The following ZNF26 variants were observed in gnomAD, a reference collection of about 807,000 sequenced individuals.
ZNF26 encodes the protein zinc finger protein 26.
In ZNF26, 32 loss-of-function variants were observed where a neutral mutation model predicts 54.9. The observed-to-expected ratio is 0.58, with a 90% CI of 0.44 to 0.78. The LOEUF (loss-of-function observed/expected upper bound fraction) is 0.78. ZNF26 is among the 30% of genes least tolerant of loss of function. The pLI is 0.00. For missense variants in ZNF26, 524 were observed against 634.0 expected (o/e 0.83, Z 1.86); for synonymous variants, 221 against 209.2 (o/e 1.06, Z -0.49).
rs975982477 is a variant in ZNF26 at position 133,016,024 on chromosome 12, A to T, written c.*4543A>T. 4.0e-5 allele frequency: 6 copies of T among 149,814 alleles called. No homozygotes were observed. The highest frequency in any genetic ancestry group is 1.5e-4 in the African/African-American group (6 of 40,636). 9.3% of individuals were successfully genotyped at this position (149,814 alleles called of 1,614,324 possible). A position where few individuals can be genotyped will look rare whatever the true frequency, so the allele number is the denominator to read the frequency against. On this transcript the variant is annotated 3_prime_UTR_variant, in exon 4 of 4. Transcript: ENST00000328654. ...GAAGGAAGTGGCTTTTGGTTTTGTG[A>T]GTGTCTTGAAGATCTAAGGTTTATT...
intron 3 of ZNF26, among the ~76,000 whole-genome samples, chr12:133,009,589 C>CT (rs1426040202): frequency 7.1e-6 from 1 of 140,778 alleles, no homozygotes; most frequent in Non-Finnish European, 1.6e-5. Context: ...AAGACCCTGT[C>CT]TCAAAAAAAA....
rs1309364435 is a variant in ZNF26, at chr12:133,021,109, TTC to T, written c.*9630_*9631del. ...CAACCTATGCTCATACATTTTTTTTTTCTTTTTCATTTTTTTTTTTTTTTTTT... is the reference window on the plus strand; with the variant it reads ...CAACCTATGCTCATACATTTTTTTTTTTTTTCATTTTTTTTTTTTTTTTTT... On this transcript the variant is annotated 3_prime_UTR_variant, in exon 4 of 4. Coordinates refer to ENST00000328654, the MANE Select transcript of ZNF26 (RefSeq NM_019591.4). The T allele has an allele frequency of 1.6e-5, 2 of 126,482 alleles. No homozygotes were observed. Among genetic ancestry groups the T allele is most frequent in the Non-Finnish European group, 3.2e-5 (2 of 63,352 alleles). 7.8% of individuals were successfully genotyped at this position (126,482 alleles called of 1,614,324 possible). A position where few individuals can be genotyped will look rare whatever the true frequency, so the allele number is the denominator to read the frequency against.
intron 3 of ZNF26, among the ~76,000 whole-genome samples, chr12:133,009,610 A>T (rs1309449432): frequency 6.6e-6 from 1 of 152,010 alleles, no homozygotes; most frequent in Non-Finnish European, 1.5e-5. Flanking sequence ...AAAAAATCTT[A>T]AAAATATGAA....
At position 133,020,324 on chromosome 12, in the gene ZNF26, T is replaced by C. The variant is rs1466969856; in HGVS notation, c.*8843T>C. 6.6e-6 allele frequency: 1 copy of C among 151,916 alleles called. No homozygotes were observed. The highest frequency in any genetic ancestry group is 1.5e-5 in the Non-Finnish European group (1 of 67,982). 9.4% of individuals were successfully genotyped at this position (151,916 alleles called of 1,614,324 possible). A position where few individuals can be genotyped will look rare whatever the true frequency, so the allele number is the denominator to read the frequency against. On this transcript the variant is annotated 3_prime_UTR_variant, in exon 4 of 4. Transcript: ENST00000328654. Reference sequence around the variant, plus strand: ...TTGAAAGCTAAAAAAGTAGACCTCATGAAGATAGAGTTGATGGTGGTTACC... The same window carrying C: ...TTGAAAGCTAAAAAAGTAGACCTCACGAAGATAGAGTTGATGGTGGTTACC...
chr12:132,987,776 C>A (rs1193677188), intron 1 of ZNF26: 1 of 976,514 alleles, frequency 1.0e-6, no homozygotes, highest in Non-Finnish European at 1.2e-6. Flanking sequence ...GAGGTGAGGA[C>A]TCAGGTTAAT....
rs1271153501 is a variant in ZNF26 at position 133,015,068 on chromosome 12, G to A, written c.*3587G>A. On this transcript the variant is annotated 3_prime_UTR_variant, in exon 4 of 4. Transcript: ENST00000328654. Reference sequence around the variant, plus strand: ...TAAAAGTGTGTTATTGAAAGTAGTAGCTACTGGCCGGGCGTGGTGGCTCAC... The same window carrying A: ...TAAAAGTGTGTTATTGAAAGTAGTAACTACTGGCCGGGCGTGGTGGCTCAC... 6.6e-6 allele frequency: 1 copy of A among 152,020 alleles called. No homozygotes were observed. Among genetic ancestry groups the A allele is most frequent in the African/African-American group, 2.4e-5 (1 of 41,376 alleles). The allele number at this position is 152,020 out of a possible 1,614,324, so 9.4% of individuals were successfully genotyped here.
chr12:132,990,195 G>A (rs1952917083), intron 1 of ZNF26, among the ~76,000 whole-genome samples: 1 of 152,208 alleles, frequency 6.6e-6, no homozygotes, highest in Admixed American at 6.5e-5. Flanking sequence ...GGCTGAAGTG[G>A]AAGGATTGCT....
At position 133,007,048 on chromosome 12, in the gene ZNF26, T is replaced by C. The variant is rs1953347827; in HGVS notation, c.40T>C (p.Leu14=). The C allele has an allele frequency of 6.2e-7, 1 of 1,614,182 alleles. No individual in the cohort carries two copies. ...SFRTASCWGL[L]SFKDISMEFT... is the part of the protein sequence containing the mutation. ...AGGGTGTGTGTTATTTCAGGGATTA[T>C]TGTCATTCAAGGATATATCTATGGA... The change falls in exon 2 of 4, where the codon TTG becomes CTG. Residue 14 remains leucine (L), a synonymous_variant. Coordinates refer to ENST00000328654, the MANE Select transcript of ZNF26 (RefSeq NM_019591.4).
Position 133,023,129 on chromosome 12 carries a change from A to G in ZNF26, c.*11648A>G. 6.6e-6 allele frequency: 1 copy of G among 152,228 alleles called. No individual in the cohort carries two copies. 9.4% of individuals were successfully genotyped at this position (152,228 alleles called of 1,614,324 possible). ...GGGGCTATACAACAGTTTAGATTTT[A>G]AAAAATTATGGGAGAATACTAAGGA... On this transcript the variant is annotated 3_prime_UTR_variant, in exon 4 of 4. Coordinates refer to ENST00000328654, the MANE Select transcript of ZNF26 (RefSeq NM_019591.4).
chr12:132,999,110 C>T (rs1953154210), intron 1 of ZNF26, among the ~76,000 whole-genome samples: 2 of 152,236 alleles, frequency 1.3e-5, no homozygotes, highest in African/African-American at 4.8e-5. Flanking sequence ...AGCTGTTTAT[C>T]AGGGACTGTC....
intron 1 of ZNF26, among the ~76,000 whole-genome samples, chr12:132,993,112 C>T (rs1393740135): frequency 6.6e-6 from 1 of 151,382 alleles, no homozygotes; most frequent in East Asian, 1.9e-4. Context: ...GCAGCCTCTA[C>T]CTCTCAGGTT....
chr12:132,999,950 G>A (rs1278126289), intron 1 of ZNF26, among the ~76,000 whole-genome samples: 4 of 152,152 alleles, frequency 2.6e-5, no homozygotes, highest in African/African-American at 4.8e-5. Flanking sequence ...GATTACAGGT[G>A]TGAGCCACTG....
At chr12:132,988,512 G>T (rs1025237846) in intron 1 of ZNF26, among the ~76,000 whole-genome samples, 93 of 151,596 alleles carry the variant, frequency 6.1e-4, no homozygotes, top group Middle Eastern at 3.4e-3. Flanking sequence ...CCAAAGCATT[G>T]GTGGGATAAC....
chr12:133,018,929 A>G lies in ZNF26; in HGVS notation c.*7448A>G, dbSNP rs1332954443. The G allele has an allele frequency of 6.6e-6, 1 of 152,216 alleles. No individual in the cohort carries two copies. Among genetic ancestry groups the G allele is most frequent in the Non-Finnish European group, 1.5e-5 (1 of 68,034 alleles). The allele number at this position is 152,216 out of a possible 1,614,324, so 9.4% of individuals were successfully genotyped here. A position where few individuals can be genotyped will look rare whatever the true frequency, so the allele number is the denominator to read the frequency against. Reference sequence around the variant, plus strand: ...TAAATGTGAATAGATTAAACTATCAAAAGACACAGATTGTCAAAGTGGTGA... The same window carrying G: ...TAAATGTGAATAGATTAAACTATCAGAAGACACAGATTGTCAAAGTGGTGA... On this transcript the variant is annotated 3_prime_UTR_variant, in exon 4 of 4. Coordinates refer to ENST00000328654, the MANE Select transcript of ZNF26 (RefSeq NM_019591.4).
At position 133,024,150 on chromosome 12, in the gene ZNF26, G is replaced by A. The variant is rs963114698; in HGVS notation, c.*12669G>A. On this transcript the variant is annotated 3_prime_UTR_variant, in exon 4 of 4. Coordinates refer to ENST00000328654, the MANE Select transcript of ZNF26 (RefSeq NM_019591.4). ...TTGGAATAGAAATTTAGTGTTGGAA[G>A]TGGGGTTCTACTTACATGCATCACT... is the stretch of plus-strand genomic sequence containing the variant. 2.6e-5 allele frequency: 4 copies of A among 152,200 alleles called. No homozygotes were observed. Among genetic ancestry groups the A allele is most frequent in the Admixed American group, 2.0e-4 (3 of 15,264 alleles). 9.4% of individuals were successfully genotyped at this position (152,200 alleles called of 1,614,324 possible). A position where few individuals can be genotyped will look rare whatever the true frequency, so the allele number is the denominator to read the frequency against.
At chr12:133,004,924 G>A (rs1309852107) in intron 1 of ZNF26, 1 of 152,106 alleles carries the variant, frequency 6.6e-6, no homozygotes, top group Non-Finnish European at 1.5e-5. Context: ...CTTTCAAGAA[G>A]CATTGTTCTT....
At position 133,022,361 on chromosome 12, in the gene ZNF26, A is replaced by G. The variant is rs1182032847; in HGVS notation, c.*10880A>G. On this transcript the variant is annotated 3_prime_UTR_variant, in exon 4 of 4. Coordinates refer to ENST00000328654, the MANE Select transcript of ZNF26 (RefSeq NM_019591.4). ...ACAAATTGAATCAATTTTCAGTGGC[A>G]TCAAAATACAAAATAGATACAAATC... 1 of 152,228 alleles carries G rather than the reference A, an allele frequency of 6.6e-6. No homozygotes were observed. The highest frequency in any genetic ancestry group is 1.5e-5 in the Non-Finnish European group (1 of 68,038). 9.4% of individuals were successfully genotyped at this position (152,228 alleles called of 1,614,324 possible).
At chr12:133,007,810 A>T (rs1004171620) in intron 3 of ZNF26, among the ~76,000 whole-genome samples, 87 of 152,212 alleles carry the variant, frequency 5.7e-4, no homozygotes, top group African/African-American at 1.9e-3. Flanking sequence ...CGTCCTCCCC[A>T]TGGTCATGGG....
rs111644896 is a variant in ZNF26, at chr12:133,002,867, A to C, written c.34-4175A>C. Among the ~76,000 whole-genome samples the C allele has an allele frequency of 3.6e-3, 544 of 151,802 alleles. 4 individuals carry two copies. Among genetic ancestry groups the C allele is most frequent in the African/African-American group, 0.013 (528 of 41,382 alleles). ...TCGAACTCCTGACCTCAGGTGATCCACCCGCCTTGGCCTCCCAAAGTGCTG... is the reference window on the plus strand; with the variant it reads ...TCGAACTCCTGACCTCAGGTGATCCCCCCGCCTTGGCCTCCCAAAGTGCTG... On this transcript the variant is annotated intron_variant, in intron 1 of 3. Coordinates refer to ENST00000328654, the MANE Select transcript of ZNF26 (RefSeq NM_019591.4).
Sources: gnomAD v4.1 joint callset for allele counts (sites outside exome capture counted in the v4.1 genomes callset) on GRCh38, gnomAD v4.1.1 for gene constraint, MANE v1.5 for transcripts, NCBI Gene and HGNC (gene_info 2026-07-23, HGNC 2026-07-21) for gene names.